Variants in SETD2 observed in about 807,000 individuals in gnomAD.
The protein encoded by SETD2 is SET domain containing 2, histone lysine methyltransferase.
Under a neutral mutation model 242.1 loss-of-function variants are expected in SETD2, and 31 were observed. That is an observed-to-expected ratio of 0.13 (90% CI 0.10 to 0.17). The LOEUF (loss-of-function observed/expected upper bound fraction) is 0.17, where lower values mean the gene tolerates loss of function less well. SETD2 is among the 10% of genes least tolerant of loss of function. SETD2 has a pLI of 1.00. For synonymous variants in SETD2, 1,006 were observed against 1,066.5 expected, an observed-to-expected ratio of 0.94 and a Z score of 1.11; for missense variants, 2,481 against 3,046.3, an observed-to-expected ratio of 0.81 and a Z score of 4.37.
rs868796097 is a variant in SETD2, at chr3:47,124,037, G to A, written c.599C>T (p.Thr200Ile). 1.3e-6 allele frequency: 2 copies of A among 1,552,102 alleles called. No homozygotes were observed. Among genetic ancestry groups the A allele is most frequent in the African/African-American group, 2.7e-5 (2 of 73,052 alleles). The change falls in exon 3 of 21, where the codon ACA (threonine) becomes ATA (isoleucine). Residue 200 changes from threonine to isoleucine, a missense_variant. Thr to Ile is a moderately conservative substitution (Grantham distance 89). Coordinates refer to ENST00000409792, the MANE Select transcript of SETD2 (RefSeq NM_014159.7). ...TACTGGTGCTGGTGATGAGAGTGTT[G>A]TGGCTTGGGCAGGTGGAGGCGGTGG... is the stretch of plus-strand genomic sequence containing the variant. ...PPPPPPPAQA[T>I]TLSSPAPVTE...
At chr3:47,106,525 A>T (rs1013817454) in intron 5 of SETD2, among the ~76,000 whole-genome samples, 1 of 132,788 alleles carries the variant, frequency 7.5e-6, no homozygotes, top group African/African-American at 2.7e-5. Flanking sequence ...AAAAAAAAAA[A>T]AGGCAGCCGG....
intron 1 of SETD2, among the ~76,000 whole-genome samples, chr3:47,158,213 C>A (rs1014827253): frequency 5.3e-5 from 8 of 152,150 alleles, no homozygotes; most frequent in East Asian, 3.9e-4. Context: ...GGGAAAAAAA[C>A]CAATGTGTCA....
intron 1 of SETD2, among the ~76,000 whole-genome samples, chr3:47,160,433 T>A (rs980865953): frequency 4.6e-5 from 7 of 151,880 alleles, no homozygotes; most frequent in Non-Finnish European, 1.0e-4. Flanking sequence ...CCCGAGTAGC[T>A]GGGATTACAG....
At chr3:47,141,005 G>GT (rs1028903295) in intron 1 of SETD2, among the ~76,000 whole-genome samples, 2 of 151,898 alleles carry the variant, frequency 1.3e-5, no homozygotes, top group Non-Finnish European at 2.9e-5. Context: ...GGTTAATATT[G>GT]TTTTTTTGTG....
intron 1 of SETD2, among the ~76,000 whole-genome samples, chr3:47,160,214 A>C (rs1697448225): frequency 6.6e-6 from 1 of 152,076 alleles, no homozygotes; most frequent in African/African-American, 2.4e-5. Context: ...TTTAAATTGC[A>C]ACCTCTTCCT....
At chr3:47,043,495 C>A (rs1371035584) in intron 16 of SETD2, among the ~76,000 whole-genome samples, 2 of 152,220 alleles carry the variant, frequency 1.3e-5, no homozygotes, top group Non-Finnish European at 2.9e-5. Context: ...GAGAAAATTT[C>A]TGTTATTTAA....
Position 47,120,346 on chromosome 3 carries a change from C to T in SETD2, c.4290G>A (p.Glu1430=), listed in dbSNP as rs1217970288. The T allele has an allele frequency of 1.2e-6, 2 of 1,613,542 alleles. No individual in the cohort carries two copies. The highest frequency in any genetic ancestry group is 1.7e-6 in the Non-Finnish European group (2 of 1,179,790). ...GCACTGATGTCTCTCCCTGCTCTAC[C>T]TCCACTCTAACTTTCTTTCTGTCCT... ...ELQDRKKVRV[E]VEQGETSVPP... Residue 1430 remains glutamate (E), a synonymous_variant, in exon 3 of 21, where the codon GAG becomes GAA. Coordinates refer to ENST00000409792, the MANE Select transcript of SETD2 (RefSeq NM_014159.7).
Position 47,123,721 on chromosome 3 carries a change from T to C in SETD2, c.915A>G (p.Thr305=), listed in dbSNP as rs989764457. ...ATTGTGAGGATTTCTTCTTAGAACC[T>C]GTTTTTTTACAGCTCAGACTAATCT... ...SSKISLSCKK[T]GSKKKSSQSE... The change falls in exon 3 of 21, where the codon ACA becomes ACG. Residue 305 remains threonine (T), a synonymous_variant. Transcript: ENST00000409792. 1.3e-6 allele frequency: 2 copies of C among 1,551,184 alleles called. No individual in the cohort carries two copies. The highest frequency in any genetic ancestry group is 2.7e-5 in the African/African-American group (2 of 73,050).
At chr3:47,093,553 G>T (rs2041889285) in intron 9 of SETD2, among the ~76,000 whole-genome samples, 1 of 151,884 alleles carries the variant, frequency 6.6e-6, no homozygotes, top group Non-Finnish European at 1.5e-5. Flanking sequence ...CAAAGTGCTG[G>T]GATTATAGGC....
chr3:47,075,564 C>CA (rs55635941), intron 12 of SETD2, among the ~76,000 whole-genome samples: 773 of 76,272 alleles, frequency 0.01, 4 homozygotes, highest in African/African-American at 0.027. Context: ...AACTCCGTCT[C>CA]AAAAAAAAAA....
chr3:47,130,873 A>G (rs1417897786), intron 1 of SETD2, among the ~76,000 whole-genome samples: 1 of 152,212 alleles, frequency 6.6e-6, no homozygotes, highest in Non-Finnish European at 1.5e-5. Context: ...TAAAGAATCC[A>G]TATCAACACG....
In SETD2 at chr3:47,065,899, A is replaced by G. The variant is rs138992237; in HGVS notation, c.6109+1171T>C. On this transcript the variant is annotated intron_variant, in intron 13 of 20. Transcript: ENST00000409792. ...ATGGCCTCCCTGCTATCCATTCTGA[A>G]ACAATGATTCTAACTTTTTCAGGGG... is the stretch of plus-strand genomic sequence containing the variant. Among the ~76,000 whole-genome samples, 74 of 152,350 alleles carry G rather than the reference A, an allele frequency of 4.9e-4. 1 individual carries two copies. In the East Asian group the frequency reaches 0.014, roughly 29 times the overall value.
chr3:47,058,654 G>T (rs1275739445), intron 14 of SETD2, among the ~76,000 whole-genome samples: 1 of 151,460 alleles, frequency 6.6e-6, no homozygotes, highest in African/African-American at 2.4e-5. Flanking sequence ...TACGACAAGT[G>T]AAAGAAGGCA....
chr3:47,055,936 C>A (rs1441336455), intron 15 of SETD2, among the ~76,000 whole-genome samples: 2 of 134,652 alleles, frequency 1.5e-5, no homozygotes, highest in Non-Finnish European at 1.5e-5. Context: ...TGGCGTGAAC[C>A]CGGGAGGCGG....
At position 47,124,048 on chromosome 3, in the gene SETD2, AGGTGGAGGC is replaced by A. The variant is rs764288610; in HGVS notation, c.579_587del (p.Pro194_Pro196del). The A allele has an allele frequency of 2.2e-5, 34 of 1,552,048 alleles. No homozygotes were observed. Among genetic ancestry groups the A allele is most frequent in the African/African-American group, 9.6e-5 (7 of 73,170 alleles). ...GTGATGAGAGTGTTGTGGCTTGGGC[AGGTGGAGGC>A]GGTGGAGGCGGAGATGAGGGCGGTG... is the stretch of plus-strand genomic sequence containing the variant. On this transcript the variant is annotated inframe_deletion, in exon 3 of 21. Transcript: ENST00000409792.
intron 1 of SETD2, among the ~76,000 whole-genome samples, chr3:47,163,034 G>A (rs955796839): frequency 3.3e-5 from 5 of 152,154 alleles, no homozygotes; most frequent in South Asian, 2.1e-4. Flanking sequence ...GAAATAGAAA[G>A]TCATCCGTTT....
intron 8 of SETD2, among the ~76,000 whole-genome samples, chr3:47,099,331 AAAAAT>A (rs1298174311): frequency 1.3e-5 from 2 of 152,250 alleles, no homozygotes; most frequent in Admixed American, 6.5e-5. Context: ...ATAATCTGAA[AAAAAT>A]AAAATAAAAA....
At chr3:47,154,270 G>A (rs889105583) in intron 1 of SETD2, among the ~76,000 whole-genome samples, 1 of 151,976 alleles carries the variant, frequency 6.6e-6, no homozygotes, top group Non-Finnish European at 1.5e-5. Flanking sequence ...TTAGCTGGGC[G>A]TGGTGGTGCG....
intron 15 of SETD2, among the ~76,000 whole-genome samples, chr3:47,055,938 G>A (rs1374776783): frequency 9.7e-5 from 14 of 144,102 alleles, no homozygotes; most frequent in East Asian, 2.1e-4. Context: ...GCGTGAACCC[G>A]GGAGGCGGAG....
Sources: gnomAD v4.1 joint callset for allele counts (sites outside exome capture counted in the v4.1 genomes callset) on GRCh38, gnomAD v4.1.1 for gene constraint, MANE v1.5 for transcripts, NCBI Gene and HGNC (gene_info 2026-07-23, HGNC 2026-07-21) for gene names.